Variants in CCN6 observed in about 807,000 individuals in gnomAD.
The protein encoded by CCN6 is cellular communication network factor 6, also known as CCN family member 6.
A neutral mutation model predicts 37.4 loss-of-function variants in CCN6; 31 were observed. The observed-to-expected ratio is 0.83, with a 90% CI of 0.62 to 1.12. The LOEUF (loss-of-function observed/expected upper bound fraction) is 1.12. Among genes scored for constraint, CCN6 ranks in the 50% most tolerant of loss-of-function variants. The probability of loss-of-function intolerance (pLI) is 0.00; values close to 1 mark genes in which losing one functional copy is unlikely to be tolerated. For synonymous variants in CCN6, 137 were observed against 142.1 expected, an observed-to-expected ratio of 0.96 and a Z score of 0.26; for missense variants, 369 against 413.8, an observed-to-expected ratio of 0.89 and a Z score of 0.94.
At chr6:112,064,631 C>T (rs1562596810) in intron 2 of CCN6, 124 bp from the exon 3 acceptor site, 11 of 1,482,550 alleles carry the variant, frequency 7.4e-6, no homozygotes, top group Non-Finnish European at 9.3e-6. Flanking sequence ...CCAAATGGAA[C>T]CTAAGAGGTT....
In CCN6 at chr6:112,054,326, A is replaced by T. The variant is rs587736142; in HGVS notation, c.-32A>T. 4 of 1,613,786 alleles carry T rather than the reference A, an allele frequency of 2.5e-6. No individual in the cohort carries two copies. Among genetic ancestry groups the T allele is most frequent in the African/African-American group, 1.3e-5 (1 of 74,910 alleles). ...GCAATGAACAAGCGGCGACTTCTCT[A>T]CCCCTCAGGGTGGCTCCACGGTCCC... On this transcript the variant is annotated 5_prime_UTR_variant, in exon 1 of 5. Coordinates refer to ENST00000368666, the MANE Select transcript of CCN6 (RefSeq NM_198239.2).
intron 3 of CCN6, among the ~76,000 whole-genome samples, chr6:112,065,875 G>A (rs1776682747): frequency 6.6e-6 from 1 of 152,166 alleles, no homozygotes; most frequent in Admixed American, 6.5e-5. Flanking sequence ...ATAAAGTATA[G>A]AGGAGGAGGG....
intron 1 of CCN6, among the ~76,000 whole-genome samples, chr6:112,057,099 T>C (rs1776370069): frequency 6.6e-6 from 1 of 152,188 alleles, no homozygotes; most frequent in African/African-American, 2.4e-5. Context: ...GGGGCAGTTT[T>C]GGGAGTGTGC....
chr6:112,065,058 T>G, intron 3 of CCN6, 61 bp downstream of exon 3: 2 of 1,609,758 alleles, frequency 1.2e-6, no homozygotes, highest in Non-Finnish European at 1.7e-6. Context: ...CATGTTCCTT[T>G]TACGTATCAT....
At chr6:112,053,101 G>T (rs1312728194), upstream of CCN6, among the ~76,000 whole-genome samples, 1 of 152,044 alleles carries the variant, frequency 6.6e-6, no homozygotes, top group Non-Finnish European at 1.5e-5. Flanking sequence ...GCAGGCAGGT[G>T]GGACGCCTCA....
intron 3 of CCN6, among the ~76,000 whole-genome samples, chr6:112,067,904 G>T (rs1776746157): frequency 6.6e-6 from 1 of 152,086 alleles, no homozygotes; most frequent in Non-Finnish European, 1.5e-5. Context: ...ATAAGCTTAG[G>T]TTTAGTATTC....
intron 4 of CCN6, 44 bp downstream of exon 4, chr6:112,068,442 C>G (rs1554314551): frequency 5.2e-6 from 8 of 1,526,190 alleles, no homozygotes; most frequent in Non-Finnish European, 6.2e-6. Context: ...TTAAGAGATT[C>G]CTGAAAAGTA....
intron 1 of CCN6, among the ~76,000 whole-genome samples, chr6:112,059,115 G>T (rs1259293125): frequency 1.3e-5 from 2 of 152,134 alleles, no homozygotes; most frequent in Non-Finnish European, 2.9e-5. Flanking sequence ...AGGAGGGTAA[G>T]TGTTGAGAGC....
At position 112,068,254 on chromosome 6, in the gene CCN6, AAC is replaced by A. The variant is rs1203195727; in HGVS notation, c.641_642del (p.Thr214LysfsTer15). 2 of 1,610,512 alleles carry A rather than the reference AAC, an allele frequency of 1.2e-6. No individual in the cohort carries two copies. Among genetic ancestry groups the A allele is most frequent in the Admixed American group, 1.7e-5 (1 of 59,306 alleles). ...IWKKKCLVQA[T>X]KWTPCSRTCG... Reference sequence around the variant, plus strand: ...GGAAAAAAAAATGTCTTGTGCAAGCAACAAAATGGACTCCCTGCTCCAGAACA... The same window carrying A: ...GGAAAAAAAAATGTCTTGTGCAAGCAAAAATGGACTCCCTGCTCCAGAACA... On this transcript the variant is annotated frameshift_variant, in exon 4 of 5. Transcript: ENST00000368666. LOFTEE classifies it high-confidence loss of function.
In CCN6 at chr6:112,055,961, C is replaced by T. The variant is rs587684408; in HGVS notation, c.48+1556C>T. On this transcript the variant is annotated intron_variant, in intron 1 of 4. Transcript: ENST00000368666. Reference sequence around the variant, plus strand: ...GGTGGTCATTATTAATCCCATATTACAGAGGAGATCAAATGATGGGAAGTT... The same window carrying T: ...GGTGGTCATTATTAATCCCATATTATAGAGGAGATCAAATGATGGGAAGTT... 2.0e-3 allele frequency among the ~76,000 whole-genome samples: 304 copies of T among 152,328 alleles called. 1 individual carries two copies. The highest frequency in any genetic ancestry group is 7.2e-3 in the African/African-American group (300 of 41,568).
chr6:112,065,622 G>GCGCGCACACA (rs782269731), intron 3 of CCN6, among the ~76,000 whole-genome samples: 40,427 of 136,282 alleles, frequency 0.3, 5,625 homozygotes, highest in African/African-American at 0.36. Flanking sequence ...ACACACACAC[G>GCGCGCACACA]CACGCACACA....
At chr6:112,055,683 T>G (rs1776327669) in intron 1 of CCN6, among the ~76,000 whole-genome samples, 2 of 152,062 alleles carry the variant, frequency 1.3e-5, no homozygotes, top group East Asian at 1.9e-4. Flanking sequence ...CTCCACCTCC[T>G]GGGTTCAAGC....
rs1554312659 is a variant in CCN6, at chr6:112,060,972, C to T, written c.49-19C>T. On this transcript the variant is annotated intron_variant, in intron 1 of 4. Coordinates refer to ENST00000368666, the MANE Select transcript of CCN6 (RefSeq NM_198239.2). The stretch of plus-strand genomic sequence containing the variant: ...CATAGAGAAGCTATTTCTAACATCA[C>T]CTTTATTATCAAATGAAGTTCTGCT... The T allele has an allele frequency of 2.5e-6, 4 of 1,613,666 alleles. No homozygotes were observed. Among genetic ancestry groups the T allele is most frequent in the Admixed American group, 1.7e-5 (1 of 59,998 alleles).
At chr6:112,057,110 A>C (rs1014444529) in intron 1 of CCN6, among the ~76,000 whole-genome samples, 10 of 152,180 alleles carry the variant, frequency 6.6e-5, no homozygotes, top group Non-Finnish European at 1.3e-4. Context: ...GGGAGTGTGC[A>C]TTTCATTAGA....
At chr6:112,058,401 T>C (rs1281941525) in intron 1 of CCN6, among the ~76,000 whole-genome samples, 1 of 152,208 alleles carries the variant, frequency 6.6e-6, no homozygotes, top group Non-Finnish European at 1.5e-5. Flanking sequence ...CCTGGTTCCA[T>C]CAAATAAACA....
intron 1 of CCN6, among the ~76,000 whole-genome samples, chr6:112,056,793 A>G (rs1776361615): frequency 6.6e-6 from 1 of 152,188 alleles, no homozygotes; most frequent in Admixed American, 6.5e-5. Context: ...CTGGGATTAC[A>G]GGCTATTTCA....
intron 3 of CCN6, chr6:112,067,179 T>A: frequency 1.9e-6 from 1 of 527,074 alleles, no homozygotes; most frequent in Non-Finnish European, 2.7e-6. Flanking sequence ...AAGGCTTTTT[T>A]TTTTTCTGGG....
chr6:112,064,364 G>A (rs913242270), intron 2 of CCN6, among the ~76,000 whole-genome samples: 57 of 152,158 alleles, frequency 3.7e-4, no homozygotes, highest in African/African-American at 1.4e-3. Flanking sequence ...GTTAACTAAC[G>A]TATAGTTTCT....
At chr6:112,053,873 C>G (rs1412023150), upstream of CCN6, among the ~76,000 whole-genome samples, 77 of 150,448 alleles carry the variant, frequency 5.1e-4, no homozygotes, top group African/African-American at 1.5e-3. Flanking sequence ...GGTGGGGGGG[C>G]CAGGCCTGCA....
Sources: gnomAD v4.1 joint callset for allele counts (sites outside exome capture counted in the v4.1 genomes callset) on GRCh38, gnomAD v4.1.1 for gene constraint, MANE v1.5 for transcripts, NCBI Gene and HGNC (gene_info 2026-07-23, HGNC 2026-07-21) for gene names.